TBCD: variants seen among roughly 807,000 people sequenced by gnomAD.
TBCD encodes tubulin-specific chaperone D.
TBCD carries 105 observed loss-of-function variants against 169.3 expected under a neutral mutation model. That is an observed-to-expected ratio of 0.62 (90% CI 0.53 to 0.73). The LOEUF is 0.73. TBCD is among the 30% of genes least tolerant of loss of function. The pLI is 0.00. For synonymous variants in TBCD, 700 were observed against 643.9 expected (o/e 1.09, Z -1.32); for missense variants, 1,444 against 1,600.1 (o/e 0.90, Z 1.66).
chr17:82,886,732 C>T (rs1297145146), intron 15 of TBCD, among the ~76,000 whole-genome samples: 21 of 127,744 alleles, frequency 1.6e-4, no homozygotes, highest in South Asian at 9.0e-4. Flanking sequence ...TGCAGTGGTG[C>T]GATCTTGGCT....
chr17:82,938,133 G>A lies in TBCD; in HGVS notation c.3366G>A (p.Pro1122=), dbSNP rs375632401. Residue 1122 remains proline, a synonymous_variant, in exon 36 of 39, where the codon CCG becomes CCA. Transcript: ENST00000355528. The part of the protein sequence containing the change: ...QLCLLLCHRF[P]LIRKTTASQV... ...GTCTGCTCCTCTGCCACCGTTTCCCGCTGGTGAGTGCCTGCCCCTGCTCAC... is the reference window on the plus strand; with the variant it reads ...GTCTGCTCCTCTGCCACCGTTTCCCACTGGTGAGTGCCTGCCCCTGCTCAC... 1.2e-4 allele frequency: 201 copies of A among 1,611,508 alleles called. No individual in the cohort carries two copies. Among genetic ancestry groups the A allele is most frequent in the Non-Finnish European group, 1.5e-4 (177 of 1,179,720 alleles).
At chr17:82,841,387 G>C (rs1376907775) in intron 13 of TBCD, among the ~76,000 whole-genome samples, 1 of 151,156 alleles carries the variant, frequency 6.6e-6, no homozygotes, top group Non-Finnish European at 1.5e-5. Context: ...GTGCGATCAC[G>C]GTTCACTGTA....
At chr17:82,799,441 CAA>C (rs61017445) in intron 8 of TBCD, among the ~76,000 whole-genome samples, 4 of 72,626 alleles carry the variant, frequency 5.5e-5, no homozygotes, top group African/African-American at 1.0e-4. Flanking sequence ...GACTCTGTCT[CAA>C]AAAAAAAAAA....
intron 17 of TBCD, among the ~76,000 whole-genome samples, chr17:82,896,822 G>C (rs976295865): frequency 5.9e-5 from 9 of 152,122 alleles, no homozygotes; most frequent in African/African-American, 2.2e-4. Context: ...CGCGCCCCCG[G>C]TGCTGGATGA....
At chr17:82,936,146 G>A (rs2062604065) in intron 34 of TBCD, among the ~76,000 whole-genome samples, 2 of 152,142 alleles carry the variant, frequency 1.3e-5, no homozygotes, top group Admixed American at 1.3e-4. Context: ...ACGCTCACGT[G>A]TTTCCCTCGG....
intron 7 of TBCD, among the ~76,000 whole-genome samples, chr17:82,784,157 T>C (rs1469665408): frequency 6.6e-6 from 1 of 152,074 alleles, no homozygotes; most frequent in African/African-American, 2.4e-5. Context: ...CCCAACTTAA[T>C]ACTTTCAGTA....
chr17:82,797,235 C>T (rs766071967), intron 7 of TBCD, among the ~76,000 whole-genome samples: 18 of 152,064 alleles, frequency 1.2e-4, no homozygotes, highest in African/African-American at 3.9e-4. Context: ...TGATGACGTC[C>T]GTGTGTGCGC....
At chr17:82,938,826 C>T (rs111497923) in intron 36 of TBCD, among the ~76,000 whole-genome samples, 1,780 of 50,176 alleles carry the variant, frequency 0.035, 14 homozygotes, top group Non-Finnish European at 0.07. Context: ...AGATTGCTTC[C>T]CTGGTGAAAA....
chr17:82,912,621 C>T (rs1019249889), intron 23 of TBCD, among the ~76,000 whole-genome samples: 21 of 150,488 alleles, frequency 1.4e-4, no homozygotes, highest in African/African-American at 4.2e-4. Context: ...TTGGAAAAAT[C>T]GCGGTTGTGT....
chr17:82,925,386 CT>C (rs1330063263), intron 27 of TBCD, among the ~76,000 whole-genome samples: 1 of 152,176 alleles, frequency 6.6e-6, no homozygotes, highest in Non-Finnish European at 1.5e-5. Flanking sequence ...GAGCCGGGTC[CT>C]GTTTTGGTTG....
chr17:82,808,481 G>C (rs1294136881), intron 11 of TBCD, among the ~76,000 whole-genome samples: 21 of 133,512 alleles, frequency 1.6e-4, no homozygotes, highest in South Asian at 2.6e-4. Context: ...GAGGCAGGTG[G>C]AGGGGCTGAC....
At chr17:82,848,618 A>G (rs2055359291) in intron 13 of TBCD, among the ~76,000 whole-genome samples, 1 of 152,218 alleles carries the variant, frequency 6.6e-6, no homozygotes, top group South Asian at 2.1e-4. Flanking sequence ...TACAGAAGTC[A>G]TGAGTTAAAT....
rs142852976 is a variant in TBCD, at chr17:82,888,042, G to T, written c.1534-1626G>T. On this transcript the variant is annotated intron_variant, in intron 15 of 38. Coordinates refer to ENST00000355528, the MANE Select transcript of TBCD (RefSeq NM_005993.5). ...CTCCCAGTCTGTAGCTCATCTTTCC[G>T]TCCTCTTCATAGGGCAAGAGTTTTT... Among the ~76,000 whole-genome samples, 3 of 152,272 alleles carry T rather than the reference G, an allele frequency of 2.0e-5. No individual in the cohort carries two copies. The East Asian group carries it at 5.8e-4, about 29-fold the overall frequency.
At chr17:82,766,029 A>C (rs571048828) in intron 3 of TBCD, among the ~76,000 whole-genome samples, 1 of 152,108 alleles carries the variant, frequency 6.6e-6, no homozygotes, top group African/African-American at 2.4e-5. Flanking sequence ...GTCTCAAGCT[A>C]TTCTTTTGCC....
Position 82,944,603 on chromosome 17 carries a change from A to G in TBCD, c.*2140A>G, listed in dbSNP as rs1243615999. ...TCCAGACTGTGTCCAATGGCAGAAAAGAGAATGCTTGTGGTCCCAGAAGTG... is the reference window on the plus strand; with the variant it reads ...TCCAGACTGTGTCCAATGGCAGAAAGGAGAATGCTTGTGGTCCCAGAAGTG... On this transcript the variant is annotated 3_prime_UTR_variant, in exon 39 of 39. Coordinates refer to ENST00000355528, the MANE Select transcript of TBCD (RefSeq NM_005993.5). 5 of 152,198 alleles carry G rather than the reference A, an allele frequency of 3.3e-5. No individual in the cohort carries two copies. Among genetic ancestry groups the G allele is most frequent in the African/African-American group, 4.8e-5 (2 of 41,452 alleles). The allele number at this position is 152,198 out of a possible 1,614,324, so 9.4% of individuals were successfully genotyped here. A position where few individuals can be genotyped will look rare whatever the true frequency, so the allele number is the denominator to read the frequency against.
At position 82,921,501 on chromosome 17, in the gene TBCD, A is replaced by G. The variant is rs2061417338; in HGVS notation, c.2102A>G (p.Asp701Gly). The G allele has an allele frequency of 6.2e-7, 1 of 1,613,876 alleles. No individual in the cohort carries two copies. ...KMPFRGDTVI[D>G]GWQWLINDTL... ...GTACGCTAACTTGATTTTTTGACAG[A>G]TGGTTGGCAATGGCTGATAAATGAC... The change falls in exon 25 of 39, where the codon GAT (aspartate) becomes GGT (glycine). Residue 701 changes from aspartate to glycine, a missense_variant and splice_region_variant. By Grantham distance (94) the Asp-to-Gly change is moderately conservative (BLOSUM62 -1). Coordinates refer to ENST00000355528, the MANE Select transcript of TBCD (RefSeq NM_005993.5).
intron 12 of TBCD, among the ~76,000 whole-genome samples, chr17:82,810,460 A>G (rs1234849633): frequency 6.6e-6 from 1 of 152,232 alleles, no homozygotes; most frequent in African/African-American, 2.4e-5. Context: ...AACTGAGTGT[A>G]GACAGCCACG....
At chr17:82,840,953 GGTTTTTTTTTTTTTTTT>G (rs1258478573) in intron 13 of TBCD, among the ~76,000 whole-genome samples, 1 of 70,554 alleles carries the variant, frequency 1.4e-5, no homozygotes, top group Non-Finnish European at 2.6e-5. Flanking sequence ...CAGACAAACT[GGTTTTTTTTTTTTTTTT>G]TTTTTTTTTT....
intron 14 of TBCD, among the ~76,000 whole-genome samples, chr17:82,882,843 A>G (rs901298933): frequency 6.6e-6 from 1 of 152,210 alleles, no homozygotes; most frequent in Non-Finnish European, 1.5e-5. Flanking sequence ...TGTCATGTGC[A>G]TTGTGGCTGG....
Sources: gnomAD v4.1 joint callset for allele counts (sites outside exome capture counted in the v4.1 genomes callset) on GRCh38, gnomAD v4.1.1 for gene constraint, MANE v1.5 for transcripts, NCBI Gene and HGNC (gene_info 2026-07-23, HGNC 2026-07-21) for gene names.